ENOX2: variants seen among roughly 807,000 people sequenced by gnomAD.
ENOX2 encodes ecto-NOX disulfide-thiol exchanger 2, also known as APK1 antigen.
ENOX2 carries 36 observed loss-of-function variants against 45.0 expected under a neutral mutation model. The observed-to-expected ratio is 0.80, with a 90% CI of 0.61 to 1.06. The LOEUF (loss-of-function observed/expected upper bound fraction) is 1.06. Among genes scored for constraint, ENOX2 ranks in the 50% least tolerant of loss-of-function variants. ENOX2 has a pLI of 0.00. For missense variants in ENOX2, 423 were observed against 462.5 expected (o/e 0.91, Z 0.78); for synonymous variants, 174 against 152.3 (o/e 1.14, Z -1.05).
intron 5 of ENOX2, among the ~76,000 whole-genome samples, chrX:130,687,148 A>T (rs1352074697): frequency 8.9e-6 from 1 of 112,311 alleles, no homozygotes. Context: ...TCATTTGAAG[A>T]CTGCTCAACA....
At chrX:130,879,631 G>A (rs975595499) in intron 2 of ENOX2, among the ~76,000 whole-genome samples, 1 of 111,719 alleles carries the variant, frequency 9.0e-6, no homozygotes, top group African/African-American at 3.3e-5. Context: ...ATATAGTCTC[G>A]GCTAAGAAGA....
chrX:130,667,286 A>G (rs751360141), intron 8 of ENOX2, among the ~76,000 whole-genome samples: 2 of 112,042 alleles, frequency 1.8e-5, no homozygotes, highest in Non-Finnish European at 3.8e-5. Context: ...ATGTGGCCTA[A>G]GGATCAGTGT....
chrX:130,682,301 G>A (rs186723585), intron 5 of ENOX2, among the ~76,000 whole-genome samples: 1 of 110,042 alleles, frequency 9.1e-6, no homozygotes, highest in Admixed American at 9.7e-5. Flanking sequence ...AAAGGCAAAG[G>A]CTCCATCCCC....
intron 8 of ENOX2, 27 bp from the exon 9 acceptor site, chrX:130,665,776 C>T (rs753732518): frequency 3.2e-6 from 3 of 945,079 alleles, no homozygotes; most frequent in Admixed American, 4.6e-5. Flanking sequence ...GCAGTTGGAT[C>T]AGGCCAGGGT....
At chrX:130,697,044 C>A (rs1231203955) in intron 4 of ENOX2, among the ~76,000 whole-genome samples, 1 of 111,083 alleles carries the variant, frequency 9.0e-6, no homozygotes, top group Non-Finnish European at 1.9e-5. Flanking sequence ...TTTTCATATA[C>A]TGTAATCTTT....
At chrX:130,672,308 C>A (rs775327946) in intron 6 of ENOX2, among the ~76,000 whole-genome samples, 1 of 112,300 alleles carries the variant, frequency 8.9e-6, no homozygotes, top group South Asian at 3.8e-4. Flanking sequence ...TGACTGGGGA[C>A]CAGCCTGCCC....
chrX:130,867,066 A>G (rs1258014721), intron 2 of ENOX2, among the ~76,000 whole-genome samples: 2 of 111,569 alleles, frequency 1.8e-5, no homozygotes, highest in Non-Finnish European at 3.8e-5. Flanking sequence ...ACACATGTCA[A>G]CAGAAATAAC....
chrX:130,831,047 G>GGCAA (rs1488174051), intron 2 of ENOX2, among the ~76,000 whole-genome samples: 2 of 111,604 alleles, frequency 1.8e-5, no homozygotes, highest in Admixed American at 1.9e-4. Context: ...AGGGCAGAAG[G>GGCAA]GCAAGCAAGC....
intron 3 of ENOX2, among the ~76,000 whole-genome samples, chrX:130,716,669 T>C (rs1480041086): frequency 8.9e-6 from 1 of 112,024 alleles, no homozygotes; most frequent in South Asian, 3.7e-4. Flanking sequence ...CCAGGAACAA[T>C]ACACATGCAA....
rs1569479614 is a variant in ENOX2, at chrX:130,646,236, C to G, written c.1130-8826G>C. 9 of 444,274 alleles carry G rather than the reference C, an allele frequency of 2.0e-5. No individual in the cohort carries two copies. The East Asian group carries it at 2.7e-4, about 14-fold the overall frequency. 36.6% of individuals were successfully genotyped at this position (444,274 alleles called of 1,213,427 possible). ...AATTGTGCCTGGTCAAATGCAGGACCTCATCCCAGAGACTGCAGCATGAGA... is the reference window on the plus strand; with the variant it reads ...AATTGTGCCTGGTCAAATGCAGGACGTCATCCCAGAGACTGCAGCATGAGA... On this transcript the variant is annotated intron_variant, in intron 10 of 14. Coordinates refer to ENST00000394363, the MANE Select transcript of ENOX2 (RefSeq NM_006375.4).
intron 6 of ENOX2, among the ~76,000 whole-genome samples, chrX:130,671,688 C>T (rs1054476215): frequency 1.8e-5 from 2 of 111,658 alleles, no homozygotes; most frequent in Admixed American, 9.5e-5. Flanking sequence ...GCTCCTTTTC[C>T]TACCAGCCAG....
chrX:130,870,820 G>A lies in ENOX2; in HGVS notation c.-183+30864C>T, dbSNP rs1469727520. On this transcript the variant is annotated intron_variant, in intron 2 of 14. Transcript: ENST00000394363. ...CAACCTTTTTCTGTGTGTTTTAAGAGAGAAACAACTATTGGGCTTGCCAGG... is the reference window on the plus strand; with the variant it reads ...CAACCTTTTTCTGTGTGTTTTAAGAAAGAAACAACTATTGGGCTTGCCAGG... Among the ~76,000 whole-genome samples, 10 of 103,899 alleles carry A rather than the reference G, an allele frequency of 9.6e-5. No individual in the cohort carries two copies. The Admixed American group carries it at 1.1e-3, about 11-fold the overall frequency. The allele number at this position is 103,899 out of a possible 115,157, so 90.2% of individuals were successfully genotyped here.
intron 9 of ENOX2, among the ~76,000 whole-genome samples, chrX:130,658,420 G>A (rs2036600858): frequency 8.9e-6 from 1 of 111,780 alleles, no homozygotes; most frequent in South Asian, 3.7e-4. Context: ...TAAGATACAT[G>A]TAAATAAAAT....
intron 2 of ENOX2, among the ~76,000 whole-genome samples, chrX:130,900,806 T>C (rs1471721355): frequency 1.8e-5 from 2 of 112,047 alleles, no homozygotes; most frequent in Non-Finnish European, 3.8e-5. Flanking sequence ...TCTGTTATAC[T>C]ACACACTACA....
intron 2 of ENOX2, among the ~76,000 whole-genome samples, chrX:130,788,459 C>T (rs1028864158): frequency 2.6e-4 from 29 of 111,578 alleles, no homozygotes; most frequent in African/African-American, 8.1e-4. Context: ...GGCACTGCTT[C>T]GCCTGGGACT....
intron 2 of ENOX2, among the ~76,000 whole-genome samples, chrX:130,801,438 C>T (rs189831040): frequency 2.7e-3 from 302 of 111,334 alleles, no homozygotes; most frequent in Non-Finnish European, 4.3e-3. Flanking sequence ...GAGTTGTGTT[C>T]GGATAAATGT....
At chrX:130,820,020 C>A (rs2077568435) in intron 2 of ENOX2, among the ~76,000 whole-genome samples, 1 of 112,060 alleles carries the variant, frequency 8.9e-6, no homozygotes, top group African/African-American at 3.2e-5. Context: ...AAACAATAGA[C>A]TGAAGGGACA....
intron 12 of ENOX2, among the ~76,000 whole-genome samples, 192 bp from the exon 13 acceptor site, chrX:130,631,768 C>G (rs1224116506): frequency 1.8e-5 from 2 of 110,367 alleles, no homozygotes; most frequent in Non-Finnish European, 3.8e-5. Flanking sequence ...TTATAGGGCT[C>G]CAAAACACAG....
At chrX:130,767,327 C>A (rs2039640312) in intron 3 of ENOX2, among the ~76,000 whole-genome samples, 1 of 111,888 alleles carries the variant, frequency 8.9e-6, no homozygotes, top group Admixed American at 9.5e-5. Flanking sequence ...TCAACTAAAA[C>A]AGTACCTGGC....
Sources: allele counts gnomAD v4.1 joint callset (sites outside exome capture counted in the v4.1 genomes callset), GRCh38; gene constraint gnomAD v4.1.1; transcripts MANE v1.5; gene names NCBI Gene and HGNC (gene_info 2026-07-23, HGNC 2026-07-21).